PATJ: variants seen among roughly 807,000 people sequenced by gnomAD.
PATJ encodes inaD-like protein.
Under a neutral mutation model 224.9 loss-of-function variants are expected in PATJ, and 190 were observed. That is an observed-to-expected ratio of 0.84 (90% CI 0.75 to 0.95). PATJ has a LOEUF of 0.95. PATJ is among the 40% of genes least tolerant of loss of function. The pLI is 0.00. For missense variants in PATJ, 2,121 were observed against 2,270.3 expected, an observed-to-expected ratio of 0.93 and a Z score of 1.34; for synonymous variants, 769 against 820.3, an observed-to-expected ratio of 0.94 and a Z score of 1.07.
At chr1:61,795,098 G>A (rs1650778392) in intron 9 of PATJ, among the ~76,000 whole-genome samples, 1 of 94,582 alleles carries the variant, frequency 1.1e-5, no homozygotes, top group Non-Finnish European at 2.1e-5. Context: ...CATAGTGATG[G>A]TAAAAAAAAA....
chr1:61,843,748 C>G (rs1255827555), intron 17 of PATJ, among the ~76,000 whole-genome samples: 3 of 150,976 alleles, frequency 2.0e-5, no homozygotes, highest in African/African-American at 7.3e-5. Flanking sequence ...CATATAAATG[C>G]CTATGCTTTT....
At chr1:61,819,310 T>C (rs2811323) in intron 14 of PATJ, among the ~76,000 whole-genome samples, 148,513 of 152,270 alleles carry the variant, frequency 0.98, 72,555 homozygotes, top group Middle Eastern at 1. Flanking sequence ...TCCTTGGATG[T>C]GTTTCCTTAT....
At chr1:61,821,506 C>G (rs1657261469) in intron 14 of PATJ, among the ~76,000 whole-genome samples, 1 of 152,170 alleles carries the variant, frequency 6.6e-6, no homozygotes, top group South Asian at 2.1e-4. Flanking sequence ...GTCAGCCAGA[C>G]TCCTTGCCAC....
At chr1:62,021,532 AT>A (rs1398842371) in intron 29 of PATJ, among the ~76,000 whole-genome samples, 7 of 152,142 alleles carry the variant, frequency 4.6e-5, no homozygotes, top group African/African-American at 1.7e-4. Flanking sequence ...TAGGTTACTT[AT>A]TGTCCAAAAT....
chr1:62,099,636 C>T (rs1326272047), intron 33 of PATJ, among the ~76,000 whole-genome samples: 1 of 151,966 alleles, frequency 6.6e-6, no homozygotes, highest in Non-Finnish European at 1.5e-5. Flanking sequence ...TGCCTGCAAG[C>T]AGTGTAATTA....
intron 19 of PATJ, among the ~76,000 whole-genome samples, chr1:61,862,849 T>C (rs1664823789): frequency 6.6e-6 from 1 of 152,146 alleles, no homozygotes; most frequent in Non-Finnish European, 1.5e-5. Flanking sequence ...TGATAACAAC[T>C]GTCTAGTGAT....
rs143340410 is a variant in PATJ, at chr1:61,954,994, C to G, written c.3670+27165C>G. Among the ~76,000 whole-genome samples, 816 of 152,292 alleles carry G rather than the reference C, an allele frequency of 5.4e-3. 5 individuals are homozygous for G. The highest frequency in any genetic ancestry group is 0.027 in the Middle Eastern group (8 of 294). On this transcript the variant is annotated intron_variant, in intron 27 of 43. Transcript: ENST00000642238. The stretch of plus-strand genomic sequence containing the variant: ...GGTCTCAATCTTCTGACCTCATGAT[C>G]CTCCAGCCTCGGCCTCCCAAAGTGC...
At chr1:62,097,753 G>A (rs182184904) in intron 33 of PATJ, among the ~76,000 whole-genome samples, 9 of 152,308 alleles carry the variant, frequency 5.9e-5, no homozygotes, top group Admixed American at 3.9e-4. Flanking sequence ...AAGTTTTGCG[G>A]CCAAAGGTAA....
intron 33 of PATJ, among the ~76,000 whole-genome samples, chr1:62,097,470 G>GCTAA (rs1450442231): frequency 6.6e-6 from 1 of 152,150 alleles, no homozygotes; most frequent in East Asian, 1.9e-4. Flanking sequence ...CTGAAACACT[G>GCTAA]CTACCCTGTG....
rs143697171 is a variant in PATJ, at chr1:61,855,799, G to T, written c.2113-231G>T. Reference sequence around the variant, plus strand: ...AATCTCAAACTCTTGAGCTCAAGCAGTCCTCCCACCTCAGCCTCCCAAGAA... The same window carrying T: ...AATCTCAAACTCTTGAGCTCAAGCATTCCTCCCACCTCAGCCTCCCAAGAA... On this transcript the variant is annotated intron_variant, in intron 17 of 43. Coordinates refer to ENST00000642238, the MANE Select transcript of PATJ (RefSeq NM_001350145.3). Among the ~76,000 whole-genome samples the T allele has an allele frequency of 4.0e-3, 601 of 152,152 alleles. 5 individuals carry two copies. The highest frequency in any genetic ancestry group is 0.014 in the African/African-American group (570 of 41,518).
At chr1:61,825,826 C>G (rs1658151512) in intron 15 of PATJ, among the ~76,000 whole-genome samples, 2 of 152,186 alleles carry the variant, frequency 1.3e-5, no homozygotes, top group South Asian at 2.1e-4. Context: ...AACACAAACT[C>G]ATACTCATGT....
chr1:62,036,932 A>G (rs1234142849), intron 29 of PATJ, among the ~76,000 whole-genome samples: 1 of 151,082 alleles, frequency 6.6e-6, no homozygotes, highest in Non-Finnish European at 1.5e-5. Flanking sequence ...GAAGGGAAAG[A>G]AAAAAGAGAA....
chr1:61,776,401 C>T (rs1348167240), intron 7 of PATJ, among the ~76,000 whole-genome samples: 3 of 152,118 alleles, frequency 2.0e-5, no homozygotes, highest in African/African-American at 7.2e-5. Flanking sequence ...AAAACAAAGG[C>T]AGTGGCCACA....
rs1557614181 is a variant in PATJ at position 61,771,431 on chromosome 1, GGATCAAA to G, written c.529_535del (p.Gln177Ter). ...AAATTTCTTTTCTTACATGATTAAG[GGATCAAA>G]GATTAAAGGAAAATGATCAAATATT... On this transcript the variant is annotated frameshift_variant and splice_region_variant, in exon 6 of 44. Transcript: ENST00000642238. LOFTEE classifies it high-confidence loss of function. The G allele has an allele frequency of 6.4e-7, 1 of 1,570,722 alleles. No homozygotes were observed. Among genetic ancestry groups the G allele is most frequent in the South Asian group, 1.2e-5 (1 of 83,344 alleles).
Position 62,106,201 on chromosome 1 carries a change from G to A in PATJ, c.4378-2236G>A, listed in dbSNP as rs1297041898. Among the ~76,000 whole-genome samples the A allele has an allele frequency of 8.9e-5, 7 of 78,434 alleles. 1 individual carries two copies. The highest frequency in any genetic ancestry group is 3.9e-4 in the Admixed American group (3 of 7,770). 51.5% of individuals were successfully genotyped at this position (78,434 alleles called of 152,430 possible). ...ATATATATATATGGCTGGGCACAGC[G>A]GCTCATACCTGTAATTCCAGCACTT... On this transcript the variant is annotated intron_variant, in intron 33 of 43. Transcript: ENST00000642238.
chr1:61,769,314 G>T lies in PATJ; in HGVS notation c.416G>T (p.Arg139Leu). The T allele has an allele frequency of 6.2e-7, 1 of 1,612,862 alleles. No homozygotes were observed. The highest frequency in any genetic ancestry group is 8.5e-7 in the Non-Finnish European group (1 of 1,179,706). ...CAAATTGAATATATAGATATAGAACGGCCTTCAACTGGAGGCCTTGGATTC... is the reference window on the plus strand; with the variant it reads ...CAAATTGAATATATAGATATAGAACTGCCTTCAACTGGAGGCCTTGGATTC... Reference protein sequence around the residue: ...GRQIEYIDIERPSTGGLGFSV... With the variant: ...GRQIEYIDIELPSTGGLGFSV... The change falls in exon 5 of 44, where the codon CGG (arginine) becomes CTG (leucine). Residue 139 changes from arginine to leucine, a missense_variant. Transcript: ENST00000642238.
chr1:62,019,697 G>C (rs753480842), intron 29 of PATJ, among the ~76,000 whole-genome samples: 1 of 151,658 alleles, frequency 6.6e-6, no homozygotes, highest in Non-Finnish European at 1.5e-5. Flanking sequence ...TTAGACACCA[G>C]TCTCCTTTTT....
chr1:61,775,648 C>T (rs1408890660), intron 7 of PATJ, among the ~76,000 whole-genome samples: 1 of 152,102 alleles, frequency 6.6e-6, no homozygotes, highest in Non-Finnish European at 1.5e-5. Flanking sequence ...TTATTCTCCT[C>T]TAGTGTGTCT....
At chr1:61,831,268 C>T (rs1012026687) in intron 16 of PATJ, among the ~76,000 whole-genome samples, 1 of 151,394 alleles carries the variant, frequency 6.6e-6, no homozygotes, top group South Asian at 2.1e-4. Flanking sequence ...TGGATATTGG[C>T]CTTGGCAAAG....
Sources: gnomAD v4.1 joint callset for allele counts (sites outside exome capture counted in the v4.1 genomes callset) on GRCh38, gnomAD v4.1.1 for gene constraint, MANE v1.5 for transcripts, NCBI Gene and HGNC (gene_info 2026-07-23, HGNC 2026-07-21) for gene names.